ATP8A2: variants seen among roughly 807,000 people sequenced by gnomAD.
The protein encoded by ATP8A2 is phospholipid-transporting ATPase IB.
Under a neutral mutation model 165.6 loss-of-function variants are expected in ATP8A2, and 100 were observed. The observed-to-expected ratio is 0.60, with a 90% CI of 0.51 to 0.71. The LOEUF (loss-of-function observed/expected upper bound fraction) is 0.71, where lower values mean the gene tolerates loss of function less well. Ranked by LOEUF, ATP8A2 falls within the 30% of genes least tolerant of loss-of-function variation. ATP8A2 has a pLI of 0.00. For missense variants in ATP8A2, 1,227 were observed against 1,479.5 expected (o/e 0.83, Z 2.80); for synonymous variants, 543 against 548.8 (o/e 0.99, Z 0.15).
intron 24 of ATP8A2, among the ~76,000 whole-genome samples, chr13:25,658,454 A>G (rs1342353421): frequency 6.6e-6 from 1 of 152,088 alleles, no homozygotes. Flanking sequence ...CCTGGCCAAT[A>G]TGGTGAAACC....
chr13:25,518,429 A>G (rs754689579), intron 2 of ATP8A2, among the ~76,000 whole-genome samples: 2 of 152,154 alleles, frequency 1.3e-5, no homozygotes, highest in Non-Finnish European at 2.9e-5. Context: ...GATATAAGAA[A>G]TTTGTTTTGC....
Position 25,535,497 on chromosome 13 carries a change from A to T in ATP8A2, c.507+2184A>T, listed in dbSNP as rs181029823. Among the ~76,000 whole-genome samples, 30 of 152,260 alleles carry T rather than the reference A, an allele frequency of 2.0e-4. No individual in the cohort carries two copies. In the East Asian group the frequency reaches 5.6e-3, roughly 28 times the overall value. On this transcript the variant is annotated intron_variant, in intron 6 of 36. Transcript: ENST00000381655. ...AATTCTTTGAGGGAGTATTGCACACACAAGGAACAATCATGTAAGAACATT... is the reference window on the plus strand; with the variant it reads ...AATTCTTTGAGGGAGTATTGCACACTCAAGGAACAATCATGTAAGAACATT...
intron 33 of ATP8A2, among the ~76,000 whole-genome samples, chr13:25,952,574 C>T (rs183945907): frequency 6.8e-4 from 104 of 152,240 alleles, no homozygotes; most frequent in East Asian, 1.4e-3. Context: ...CAGGGTCTCA[C>T]GATGTCCTGG....
chr13:25,884,312 G>A (rs1381442515), intron 33 of ATP8A2, among the ~76,000 whole-genome samples: 2 of 152,172 alleles, frequency 1.3e-5, no homozygotes, highest in Non-Finnish European at 1.5e-5. Context: ...GATGATGGCT[G>A]CACAGTGTTG....
At chr13:25,669,113 A>ATT (rs143949643) in intron 24 of ATP8A2, among the ~76,000 whole-genome samples, 1 of 149,720 alleles carries the variant, frequency 6.7e-6, no homozygotes, top group Non-Finnish European at 1.5e-5. Flanking sequence ...ATGCCTTGTA[A>ATT]TTTTTTTTTT....
intron 24 of ATP8A2, among the ~76,000 whole-genome samples, chr13:25,640,676 C>CT (rs2041495372): frequency 6.6e-6 from 1 of 152,130 alleles, no homozygotes; most frequent in African/African-American, 2.4e-5. Context: ...ACCAGAGGTA[C>CT]AAGGAGGAGC....
intron 25 of ATP8A2, among the ~76,000 whole-genome samples, chr13:25,707,832 C>T (rs1390189025): frequency 6.6e-6 from 1 of 152,178 alleles, no homozygotes; most frequent in Non-Finnish European, 1.5e-5. Flanking sequence ...TACCTTCACA[C>T]TAGTGTTTGT....
chr13:25,720,207 G>A (rs1157598032), intron 25 of ATP8A2, among the ~76,000 whole-genome samples: 2 of 119,424 alleles, frequency 1.7e-5, no homozygotes, highest in Non-Finnish European at 3.2e-5. Flanking sequence ...TCACTCTGTC[G>A]CCCAGGCTGG....
intron 1 of ATP8A2, among the ~76,000 whole-genome samples, chr13:25,393,947 C>T (rs1459571663): frequency 6.6e-6 from 1 of 152,132 alleles, no homozygotes; most frequent in East Asian, 1.9e-4. Context: ...TGAAACTTAT[C>T]CAAGACTCAG....
chr13:25,641,291 A>G (rs182265394), intron 24 of ATP8A2, among the ~76,000 whole-genome samples: 21 of 152,330 alleles, frequency 1.4e-4, no homozygotes, highest in East Asian at 7.7e-4. Flanking sequence ...AGGATATTCA[A>G]TTAGGAAAAG....
chr13:25,698,190 T>C (rs1359882792), intron 24 of ATP8A2, among the ~76,000 whole-genome samples: 1 of 151,886 alleles, frequency 6.6e-6, no homozygotes, highest in East Asian at 1.9e-4. Flanking sequence ...ATCCTGTTCA[T>C]AGTCATAAAT....
chr13:25,810,173 C>T (rs1016981918), intron 27 of ATP8A2, among the ~76,000 whole-genome samples: 4 of 152,234 alleles, frequency 2.6e-5, no homozygotes, highest in African/African-American at 7.2e-5. Context: ...AAAGCACTCT[C>T]TCTGAACGAG....
chr13:25,527,766 C>G (rs1423492354), intron 2 of ATP8A2, among the ~76,000 whole-genome samples: 1 of 152,114 alleles, frequency 6.6e-6, no homozygotes, highest in East Asian at 1.9e-4. Flanking sequence ...TCATGGTTCT[C>G]AGGGATATGT....
At chr13:25,569,272 G>A (rs2039400404) in intron 16 of ATP8A2, among the ~76,000 whole-genome samples, 1 of 152,042 alleles carries the variant, frequency 6.6e-6, no homozygotes, top group Non-Finnish European at 1.5e-5. Flanking sequence ...ATAATTTAAG[G>A]TGCCTTTTCT....
intron 1 of ATP8A2, among the ~76,000 whole-genome samples, chr13:25,375,762 G>A (rs1438669145): frequency 6.6e-6 from 1 of 151,904 alleles, no homozygotes; most frequent in East Asian, 1.9e-4. Flanking sequence ...TAGTAGATAC[G>A]GGGTTTCACC....
chr13:25,829,671 T>TATATATAC (rs1951408501), intron 28 of ATP8A2, among the ~76,000 whole-genome samples: 2 of 7,430 alleles, frequency 2.7e-4, no homozygotes, highest in African/African-American at 1.1e-3. Context: ...AGGTGTGGTA[T>TATATATAC]ATATATATAT....
rs1313087442 is a variant in ATP8A2 at position 25,982,529 on chromosome 13, G to A, written c.3377+13850G>A. ...ATTTGAGACACAGTGACATTTCAAAGTGAAATCCAAGTGAGCTTTTTTATT... is the reference window on the plus strand; with the variant it reads ...ATTTGAGACACAGTGACATTTCAAAATGAAATCCAAGTGAGCTTTTTTATT... On this transcript the variant is annotated intron_variant, in intron 35 of 36. Transcript: ENST00000381655. Among the ~76,000 whole-genome samples the A allele has an allele frequency of 2.6e-5, 4 of 152,220 alleles. No homozygotes were observed. In the East Asian group the frequency reaches 7.7e-4, roughly 29 times the overall value.
intron 33 of ATP8A2, among the ~76,000 whole-genome samples, chr13:25,951,150 CAT>C (rs1955345723): frequency 6.6e-6 from 1 of 152,194 alleles, no homozygotes; most frequent in African/African-American, 2.4e-5. Context: ...GAACTGGAAA[CAT>C]ATGTCCACAC....
At chr13:25,511,611 A>C (rs761368119) in intron 2 of ATP8A2, among the ~76,000 whole-genome samples, 1 of 152,222 alleles carries the variant, frequency 6.6e-6, no homozygotes, top group African/African-American at 2.4e-5. Flanking sequence ...ATAGAAATCT[A>C]AAGTGTCAGT....
Sources: allele counts gnomAD v4.1 joint callset (sites outside exome capture counted in the v4.1 genomes callset), GRCh38; gene constraint gnomAD v4.1.1; transcripts MANE v1.5; gene names NCBI Gene and HGNC (gene_info 2026-07-23, HGNC 2026-07-21).